The following FRMD4A variants were observed in gnomAD, a reference collection of about 807,000 sequenced individuals.
The protein encoded by FRMD4A is FERM domain-containing protein 4A.
FRMD4A carries 29 observed loss-of-function variants against 129.1 expected under a neutral mutation model. That is an observed-to-expected ratio of 0.22 (90% confidence interval 0.17 to 0.31). The LOEUF (loss-of-function observed/expected upper bound fraction) is 0.31. Ranked by LOEUF, FRMD4A falls within the 10% of genes least tolerant of loss-of-function variation. The probability of loss-of-function intolerance (pLI) is 1.00; values close to 1 mark genes in which losing one functional copy is unlikely to be tolerated. For synonymous variants in FRMD4A, 634 were observed against 571.6 expected, an observed-to-expected ratio of 1.11 and a Z score of -1.56; for missense variants, 1,272 against 1,375.8, an observed-to-expected ratio of 0.92 and a Z score of 1.19.
chr10:13,651,159 G>A (rs1374063851), intron 24 of FRMD4A: 1 of 152,220 alleles, frequency 6.6e-6, no homozygotes, highest in Non-Finnish European at 1.5e-5. Context: ...AGTAGGCCAG[G>A]GTGGTGCCCG....
chr10:13,961,819 A>G (rs1327211239), intron 2 of FRMD4A, among the ~76,000 whole-genome samples: 1 of 152,194 alleles, frequency 6.6e-6, no homozygotes, highest in Non-Finnish European at 1.5e-5. Flanking sequence ...CCTTTATAAG[A>G]ATATGGAATC....
intron 13 of FRMD4A, among the ~76,000 whole-genome samples, chr10:13,705,985 G>C (rs1204107959): frequency 6.6e-6 from 1 of 152,174 alleles, no homozygotes; most frequent in East Asian, 1.9e-4. Context: ...CTACTGCACA[G>C]GTCCAAGCCC....
intron 2 of FRMD4A, among the ~76,000 whole-genome samples, chr10:14,068,299 C>T (rs541459031): frequency 7.1e-4 from 108 of 152,278 alleles, no homozygotes; most frequent in Middle Eastern, 6.8e-3. Context: ...GTGATTGTAT[C>T]ACATATCTGA....
intron 9 of FRMD4A, among the ~76,000 whole-genome samples, chr10:13,743,070 C>T (rs1281928835): frequency 6.6e-6 from 1 of 152,076 alleles, no homozygotes; most frequent in Non-Finnish European, 1.5e-5. Context: ...TTATAAATAC[C>T]CAGAATGAGG....
At chr10:13,689,384 A>C (rs938416863) in intron 15 of FRMD4A, among the ~76,000 whole-genome samples, 2 of 151,924 alleles carry the variant, frequency 1.3e-5, no homozygotes, top group African/African-American at 2.4e-5. Flanking sequence ...GACAAGATGG[A>C]TACTACTGCA....
intron 2 of FRMD4A, chr10:13,972,312 C>T: frequency 1.0e-6 from 1 of 986,760 alleles, no homozygotes; most frequent in Non-Finnish European, 1.2e-6. Context: ...CTTGGAGAAC[C>T]CATGAGTTTC....
intron 2 of FRMD4A, among the ~76,000 whole-genome samples, chr10:14,299,790 T>C (rs1481957184): frequency 6.6e-6 from 1 of 152,042 alleles, no homozygotes; most frequent in African/African-American, 2.4e-5. Flanking sequence ...ATTAAGAGCC[T>C]AGAAGGATTG....
At chr10:13,985,468 G>C (rs1014398138) in intron 2 of FRMD4A, among the ~76,000 whole-genome samples, 2 of 152,236 alleles carry the variant, frequency 1.3e-5, no homozygotes, top group African/African-American at 2.4e-5. Context: ...CTTGAATGTA[G>C]GTAGTCTTCA....
At chr10:14,157,135 T>C (rs1432406698) in intron 2 of FRMD4A, among the ~76,000 whole-genome samples, 1 of 152,190 alleles carries the variant, frequency 6.6e-6, no homozygotes, top group Non-Finnish European at 1.5e-5. Context: ...ACAAAATGAC[T>C]CTTCCTGTGC....
intron 2 of FRMD4A, among the ~76,000 whole-genome samples, chr10:14,248,087 T>C (rs149360527): frequency 4.0e-4 from 61 of 152,186 alleles, no homozygotes; most frequent in African/African-American, 1.4e-3. Context: ...GCTGCCCAAT[T>C]CCCCACGTAA....
intron 2 of FRMD4A, among the ~76,000 whole-genome samples, chr10:14,185,569 T>A (rs777801470): frequency 6.6e-6 from 1 of 152,114 alleles, no homozygotes; most frequent in South Asian, 2.1e-4. Context: ...ATTTAAAGGT[T>A]CAATCTCGTC....
intron 2 of FRMD4A, among the ~76,000 whole-genome samples, chr10:14,315,130 C>T (rs1245651934): frequency 6.6e-6 from 1 of 151,944 alleles, no homozygotes; most frequent in Non-Finnish European, 1.5e-5. Context: ...CCTTCCACTC[C>T]CTCCCCTTTC....
intron 2 of FRMD4A, among the ~76,000 whole-genome samples, chr10:13,933,735 T>C (rs945133815): frequency 6.6e-6 from 1 of 152,214 alleles, no homozygotes; most frequent in Non-Finnish European, 1.5e-5. Context: ...TGGTGGCCAA[T>C]GTCTGTTGCC....
chr10:14,171,946 GAT>G (rs1272872516), intron 2 of FRMD4A, among the ~76,000 whole-genome samples: 5 of 152,304 alleles, frequency 3.3e-5, no homozygotes, highest in Non-Finnish European at 7.3e-5. Context: ...CCTTGTCACG[GAT>G]ATGTCTTCTC....
At chr10:14,282,973 A>G (rs1845570281) in intron 2 of FRMD4A, among the ~76,000 whole-genome samples, 1 of 152,204 alleles carries the variant, frequency 6.6e-6, no homozygotes, top group African/African-American at 2.4e-5. Context: ...GATTTGCCAT[A>G]TTATTAAAGT....
chr10:13,703,223 G>C (rs1299912907), intron 13 of FRMD4A, among the ~76,000 whole-genome samples: 2 of 152,112 alleles, frequency 1.3e-5, no homozygotes, highest in Non-Finnish European at 1.5e-5. Context: ...GTCAGGTCCG[G>C]GTAGTTCCCC....
chr10:13,867,800 A>G (rs2094391829), intron 2 of FRMD4A, among the ~76,000 whole-genome samples: 1 of 135,586 alleles, frequency 7.4e-6, no homozygotes, highest in Admixed American at 8.4e-5. Flanking sequence ...AATATAATAT[A>G]TAATAAATAA....
chr10:13,982,970 C>CT (rs1301015083), intron 2 of FRMD4A, among the ~76,000 whole-genome samples: 4 of 152,052 alleles, frequency 2.6e-5, no homozygotes, highest in Non-Finnish European at 4.4e-5. Flanking sequence ...CTTTTAATTT[C>CT]TTTTTTCTTT....
intron 2 of FRMD4A, among the ~76,000 whole-genome samples, chr10:14,102,752 G>C (rs1837373478): frequency 1.6e-5 from 2 of 126,162 alleles, no homozygotes; most frequent in African/African-American, 5.8e-5. Flanking sequence ...CAACTTTCTT[G>C]AGTCTTGAAG....
Sources: gnomAD v4.1 joint callset for allele counts (sites outside exome capture counted in the v4.1 genomes callset) on GRCh38, gnomAD v4.1.1 for gene constraint, MANE v1.5 for transcripts, NCBI Gene and HGNC (gene_info 2026-07-23, HGNC 2026-07-21) for gene names.